Variants in KCP observed in about 807,000 individuals in gnomAD.
The protein encoded by KCP is kielin cysteine rich BMP regulator, also known as kielin/chordin-like protein.
In KCP, 194 loss-of-function variants were observed where a neutral mutation model predicts 212.7. The observed-to-expected ratio is 0.91, with a 90% CI of 0.81 to 1.03. The LOEUF is 1.03. Ranked by LOEUF, KCP falls within the 50% of genes least tolerant of loss-of-function variation. The pLI is 0.00. For missense variants in KCP, 2,080 were observed against 2,162.5 expected, an observed-to-expected ratio of 0.96 and a Z score of 0.76; for synonymous variants, 833 against 865.3, an observed-to-expected ratio of 0.96 and a Z score of 0.65.
chr7:128,910,670 C>T lies in KCP; in HGVS notation c.7G>A (p.Gly3Arg). Residue 3 changes from glycine to arginine, a missense_variant, in exon 1 of 40, where the codon GGG becomes AGG. By Grantham distance (125) the Gly-to-Arg change is moderately radical. Transcript: ENST00000610776. ...AGGGACAGCGCAGCGGCCCCGACCC[C>T]GGCCATGCTAGCTCCGCCTCGCTCG... Reference protein sequence around the residue: MAGVGAAALSLLL... With the variant: MARVGAAALSLLL... The T allele has an allele frequency of 6.6e-7, 1 of 1,505,138 alleles. No individual in the cohort carries two copies. The highest frequency in any genetic ancestry group is 1.2e-5 in the South Asian group (1 of 80,722). 93.2% of individuals were successfully genotyped at this position (1,505,138 alleles called of 1,614,324 possible).
In KCP at chr7:128,891,922, C is replaced by T. The variant is rs376020983; in HGVS notation, c.1622-103G>A. On this transcript the variant is annotated intron_variant, in intron 16 of 39. Transcript: ENST00000610776. ...ACAAGTGCCCACTTGGAAGCTGACT[C>T]GAGGGGAAAGAGGAGGAAGTGGCCA... 5.3e-4 allele frequency: 443 copies of T among 834,058 alleles called. 3 individuals are homozygous for T. Among genetic ancestry groups the T allele is most frequent in the South Asian group, 3.8e-3 (154 of 40,660 alleles). 51.7% of individuals were successfully genotyped at this position (834,058 alleles called of 1,614,324 possible).
In KCP at chr7:128,882,738, G is replaced by A. The variant is rs571898230; in HGVS notation, c.3245-722C>T. Among the ~76,000 whole-genome samples the A allele has an allele frequency of 6.0e-5, 9 of 149,850 alleles. No individual in the cohort carries two copies. In the South Asian group the frequency reaches 1.7e-3, roughly 28 times the overall value. On this transcript the variant is annotated intron_variant, in intron 29 of 39. Transcript: ENST00000610776. Reference sequence around the variant, plus strand: ...AAAATGGTTAGGATTGTACATTTTAGTGTCTTACCACCATAAAAAACAAAC... The same window carrying A: ...AAAATGGTTAGGATTGTACATTTTAATGTCTTACCACCATAAAAAACAAAC...
In KCP at chr7:128,879,948, A is replaced by G. The variant is rs371500516; in HGVS notation, c.3897T>C (p.Tyr1299=). Reference sequence around the variant, plus strand: ...CGCTGTGGCAGTCCTTGGCCAGCACATAGCTGCAACTGCCCTGGAAGTGCA... The same window carrying G: ...CGCTGTGGCAGTCCTTGGCCAGCACGTAGCTGCAACTGCCCTGGAAGTGCA... ...RLLHFQGSCS[Y]VLAKDCHSGD... The change falls in exon 35 of 40, where the codon TAT becomes TAC. Residue 1299 remains tyrosine (Y), a synonymous_variant. Transcript: ENST00000610776. 103 of 1,550,990 alleles carry G rather than the reference A, an allele frequency of 6.6e-5. No individual in the cohort carries two copies. Among genetic ancestry groups the G allele is most frequent in the Non-Finnish European group, 8.5e-5 (98 of 1,146,960 alleles).
intron 5 of KCP, among the ~76,000 whole-genome samples, chr7:128,904,860 T>C (rs983877549): frequency 6.6e-6 from 1 of 152,220 alleles, no homozygotes; most frequent in Middle Eastern, 3.2e-3. Flanking sequence ...AGGCACATCA[T>C]CAGCATGGTT....
chr7:128,889,915 T>C (rs1247126235), intron 21 of KCP: 1 of 159,664 alleles, frequency 6.3e-6, no homozygotes, highest in Non-Finnish European at 1.3e-5. Flanking sequence ...GGCTTTAGTG[T>C]CAGGCTTTTT....
chr7:128,905,109 C>T (rs1449878347), intron 5 of KCP, among the ~76,000 whole-genome samples: 1 of 151,996 alleles, frequency 6.6e-6, no homozygotes, highest in African/African-American at 2.4e-5. Context: ...GCTGCATTTC[C>T]AGACCCAACT....
Position 128,877,644 on chromosome 7 carries a change from C to A in KCP, c.4458G>T (p.Val1486=). 2 of 1,551,624 alleles carry A rather than the reference C, an allele frequency of 1.3e-6. No homozygotes were observed. Among genetic ancestry groups the A allele is most frequent in the South Asian group, 2.4e-5 (2 of 84,068 alleles). Residue 1486 remains valine (V), a synonymous_variant, in exon 39 of 40, where the codon GTG becomes GTT. Transcript: ENST00000610776. ...KSSPFSRCHA[V]VPPEPFFAAC... ...CGGCAAAGAAGGGCTCCGGTGGCAC[C>A]ACAGCATGGCAGCGACTGAATGGGG...
intron 11 of KCP, 124 bp from the exon 12 acceptor site, chr7:128,893,600 T>C: frequency 1.0e-6 from 1 of 974,452 alleles, no homozygotes; most frequent in Non-Finnish European, 1.5e-6. Context: ...CAGGGCGCCC[T>C]GCCAGCAGCC....
At chr7:128,884,178 C>A in intron 28 of KCP, 56 bp from the exon 29 acceptor site, 1 of 1,500,234 alleles carries the variant, frequency 6.7e-7, no homozygotes, top group Non-Finnish European at 8.8e-7. Context: ...CAGAGCTGCC[C>A]TTGGCCGGGA....
chr7:128,893,535 G>A (rs952086387), intron 11 of KCP, 59 bp from the exon 12 acceptor site: 27 of 1,312,628 alleles, frequency 2.1e-5, no homozygotes, highest in Admixed American at 5.9e-5. Flanking sequence ...GAAGCTTCAC[G>A]TCACCCTGAG....
Position 128,890,381 on chromosome 7 carries a change from G to A in KCP, c.2297C>T (p.Pro766Leu), listed in dbSNP as rs753674518. 6.4e-7 allele frequency: 1 copy of A among 1,551,224 alleles called. No individual in the cohort carries two copies. The highest frequency in any genetic ancestry group is 1.4e-5 in the African/African-American group (1 of 73,048). Residue 766 changes from proline (P) to leucine (L), a missense_variant, in exon 21 of 40, where the codon CCC becomes CTC. Transcript: ENST00000610776. ...GCAGCAGTCGCCCCTGGCAGGGAAG[G>A]GGCACAGTGCAGGGGCACATGCCTT... is the stretch of plus-strand genomic sequence containing the variant. Reference protein sequence around the residue: ...EPKACAPALCPFPARGDCCPD... With the variant: ...EPKACAPALCLFPARGDCCPD...
intron 29 of KCP, among the ~76,000 whole-genome samples, chr7:128,882,837 T>A (rs981758209): frequency 1.3e-5 from 2 of 152,192 alleles, no homozygotes; most frequent in African/African-American, 4.8e-5. Flanking sequence ...TTTCGGAGGC[T>A]GAGGCGGGTG....
rs1192025111 is a variant in KCP, at chr7:128,877,597, GCACACAGGTCATA to G, written c.4492_4504del (p.Tyr1498ProfsTer28). The G allele has an allele frequency of 6.4e-7, 1 of 1,551,576 alleles. No homozygotes were observed. Among genetic ancestry groups the G allele is most frequent in the African/African-American group, 1.4e-5 (1 of 73,056 alleles). Reference sequence around the variant, plus strand: ...ATCAGCGGAGGAGCCAGGGCCACAGGCACACAGGTCATACACACAGGCGGCAAAGAAGGGCTCC... The same window carrying G: ...ATCAGCGGAGGAGCCAGGGCCACAGGCACACAGGCGGCAAAGAAGGGCTCC... On this transcript the variant is annotated frameshift_variant, in exon 39 of 40. Coordinates refer to ENST00000610776, the MANE Select transcript of KCP (RefSeq NM_001366122.1). LOFTEE classifies it high-confidence loss of function.
At position 128,890,943 on chromosome 7, in the gene KCP, G is replaced by A. The variant is rs142146217; in HGVS notation, c.2126C>T (p.Ala709Val). 7.7e-3 allele frequency: 9,634 copies of A among 1,248,958 alleles called. 47 individuals are homozygous for A. The highest frequency in any genetic ancestry group is 0.024 in the Middle Eastern group (78 of 3,258). 77.4% of individuals were successfully genotyped at this position (1,248,958 alleles called of 1,614,324 possible). The change falls in exon 20 of 40, where the codon GCG (alanine) becomes GTG (valine). Residue 709 changes from alanine to valine, a missense_variant. Ala to Val is a moderately conservative substitution (Grantham distance 64). Transcript: ENST00000610776. ...QRLPCPPAPC[A>V]HPRQGPCCPS... ...GCAGCAAGGCCCCTGGCGCGGGTGC[G>A]CGCAGGGCGCGGGCGGGCAGGGCAG...
At chr7:128,908,201 G>GA (rs11449361) in intron 2 of KCP, among the ~76,000 whole-genome samples, 26,555 of 104,808 alleles carry the variant, frequency 0.25, 4,688 homozygotes, top group East Asian at 0.55. Context: ...GGAAAAGAAA[G>GA]AAAAAAAAAG....
rs1467277809 is a variant in KCP at position 128,877,804 on chromosome 7, G to A, written c.4312-14C>T. The A allele has an allele frequency of 1.9e-6, 3 of 1,539,866 alleles. No homozygotes were observed. The highest frequency in any genetic ancestry group is 2.4e-5 in the South Asian group (2 of 82,678). ...CCCCTCTGAGACCTGGGTGGGGAGA[G>A]CAGCCCTGACGTGACAGCACCACTG... On this transcript the variant is annotated splice_polypyrimidine_tract_variant and intron_variant, in intron 38 of 39. Coordinates refer to ENST00000610776, the MANE Select transcript of KCP (RefSeq NM_001366122.1).
At position 128,902,482 on chromosome 7, in the gene KCP, C is replaced by T. The variant is rs1201935497; in HGVS notation, c.831+295G>A. On this transcript the variant is annotated intron_variant, in intron 8 of 39. Coordinates refer to ENST00000610776, the MANE Select transcript of KCP (RefSeq NM_001366122.1). ...AGATGCCTCAGGTCAAACCGTGATT[C>T]CCCTACTCTGGAGCTTTTGCCGCTC... Among the ~76,000 whole-genome samples, 4 of 152,186 alleles carry T rather than the reference C, an allele frequency of 2.6e-5. No individual in the cohort carries two copies. The South Asian group carries it at 6.2e-4, about 24-fold the overall frequency.
chr7:128,903,998 G>T, intron 6 of KCP, 58 bp downstream of exon 6: 2 of 1,468,330 alleles, frequency 1.4e-6, no homozygotes, highest in Admixed American at 2.0e-5. Flanking sequence ...CAGGGCCCAG[G>T]GCAGGGCAGG....
Position 128,891,796 on chromosome 7 carries a change from A to C in KCP, c.1645T>G (p.Phe549Val). 1 of 1,446,992 alleles carries C rather than the reference A, an allele frequency of 6.9e-7. No individual in the cohort carries two copies. The highest frequency in any genetic ancestry group is 2.6e-5 in the East Asian group (1 of 39,116). The allele number at this position is 1,446,992 out of a possible 1,614,324, so 89.6% of individuals were successfully genotyped here. A position where few individuals can be genotyped will look rare whatever the true frequency, so the allele number is the denominator to read the frequency against. ...TGGGAGAAGCTCTCGCCGTCCACAAACACCTCTTCCTCCAGGATGCAGTCT... is the reference window on the plus strand; with the variant it reads ...TGGGAGAAGCTCTCGCCGTCCACAACCACCTCTTCCTCCAGGATGCAGTCT... The part of the protein sequence containing the change: ...CPDCILEEEV[F>V]VDGESFSHPR... Residue 549 changes from phenylalanine (F) to valine (V), a missense_variant, in exon 17 of 40, where the codon TTT becomes GTT. Coordinates refer to ENST00000610776, the MANE Select transcript of KCP (RefSeq NM_001366122.1).
Sources: gnomAD v4.1 joint callset for allele counts (sites outside exome capture counted in the v4.1 genomes callset) on GRCh38, gnomAD v4.1.1 for gene constraint, MANE v1.5 for transcripts, NCBI Gene and HGNC (gene_info 2026-07-23, HGNC 2026-07-21) for gene names.